The following BTBD9 variants were observed in gnomAD, a reference collection of about 807,000 sequenced individuals.
BTBD9 encodes the protein BTB/POZ domain-containing protein 9.
A neutral mutation model predicts 64.3 loss-of-function variants in BTBD9; 49 were observed. The observed-to-expected ratio is 0.76, with a 90% CI of 0.61 to 0.97. The LOEUF (loss-of-function observed/expected upper bound fraction) is 0.97. BTBD9 is among the 50% of genes least tolerant of loss of function. The probability of loss-of-function intolerance (pLI) is 0.00; values close to 1 mark genes in which losing one functional copy is unlikely to be tolerated. For synonymous variants in BTBD9, 260 were observed against 274.7 expected (o/e 0.95, Z 0.53); for missense variants, 598 against 762.1 (o/e 0.78, Z 2.53).
intron 6 of BTBD9, among the ~76,000 whole-genome samples, chr6:38,374,295 ATG>A (rs66741403): frequency 0.036 from 2,917 of 80,212 alleles, 622 homozygotes; most frequent in East Asian, 0.27. Flanking sequence ...ATATATATAT[ATG>A]TATATATATG....
chr6:38,417,224 A>G (rs566123264), intron 6 of BTBD9, among the ~76,000 whole-genome samples: 18 of 152,308 alleles, frequency 1.2e-4, no homozygotes, highest in African/African-American at 3.6e-4. Context: ...GATTATAGGC[A>G]TGAGCTACCC....
chr6:38,343,060 T>G (rs1247496821), intron 7 of BTBD9, among the ~76,000 whole-genome samples: 1 of 152,176 alleles, frequency 6.6e-6, no homozygotes, highest in Non-Finnish European at 1.5e-5. Flanking sequence ...TGCTCCCACT[T>G]GGCTGAGGGA....
chr6:38,177,356 G>A (rs957923980), intron 10 of BTBD9, among the ~76,000 whole-genome samples: 7 of 152,136 alleles, frequency 4.6e-5, no homozygotes, highest in South Asian at 2.1e-4. Flanking sequence ...CACCGGCCCC[G>A]CAAGCCTTCA....
chr6:38,510,117 A>G (rs1284682430), intron 6 of BTBD9, among the ~76,000 whole-genome samples: 1 of 152,222 alleles, frequency 6.6e-6, no homozygotes, highest in Non-Finnish European at 1.5e-5. Flanking sequence ...CAGTTTTCAC[A>G]TACTGTCATG....
chr6:38,295,945 G>A (rs1762142663), intron 7 of BTBD9, among the ~76,000 whole-genome samples: 1 of 152,160 alleles, frequency 6.6e-6, no homozygotes, highest in African/African-American at 2.4e-5. Flanking sequence ...GCTATTGGGA[G>A]GCTGAGGCAG....
chr6:38,559,807 G>A (rs1775193471), intron 6 of BTBD9, among the ~76,000 whole-genome samples: 1 of 152,092 alleles, frequency 6.6e-6, no homozygotes, highest in Non-Finnish European at 1.5e-5. Flanking sequence ...CAACAAAGTT[G>A]ACAAAAACAA....
chr6:38,267,584 G>A (rs571873074), intron 8 of BTBD9, among the ~76,000 whole-genome samples: 5 of 152,176 alleles, frequency 3.3e-5, no homozygotes, highest in Non-Finnish European at 7.3e-5. Flanking sequence ...ACCACGCATG[G>A]CTAATGACCT....
Position 38,545,861 on chromosome 6 carries a change from C to T in BTBD9, c.1154+31739G>A, listed in dbSNP as rs1243063019. Among the ~76,000 whole-genome samples, 503 of 64,804 alleles carry T rather than the reference C, an allele frequency of 7.8e-3. 5 individuals are homozygous for T. The highest frequency in any genetic ancestry group is 0.022 in the African/African-American group (477 of 21,450). The allele number at this position is 64,804 out of a possible 152,430, so 42.5% of individuals were successfully genotyped here. On this transcript the variant is annotated intron_variant, in intron 6 of 10. Coordinates refer to ENST00000481247, the MANE Select transcript of BTBD9 (RefSeq NM_001099272.2). ...AAACACACACACACACACATACACA[C>T]ACACACACACACACACACACACACA...
chr6:38,192,551 G>A lies in BTBD9; in HGVS notation c.1609C>T (p.Arg537Cys), dbSNP rs763503283. 10 of 1,613,832 alleles carry A rather than the reference G, an allele frequency of 6.2e-6. 1 individual carries two copies. The highest frequency in any genetic ancestry group is 3.3e-5 in the South Asian group (3 of 91,056). ...GCTGTGTTGTGTGTCCCAACGATACGGATGAAGGAGGCAGGCTGCCTTTCA... is the reference window on the plus strand; with the variant it reads ...GCTGTGTTGTGTGTCCCAACGATACAGATGAAGGAGGCAGGCTGCCTTTCA... ...TFERQPASFI[R>C]IVGTHNTANE... The change falls in exon 10 of 11, where the codon CGT (arginine) becomes TGT (cysteine). Residue 537 changes from arginine to cysteine, a missense_variant. Transcript: ENST00000481247.
intron 6 of BTBD9, among the ~76,000 whole-genome samples, chr6:38,445,594 T>C (rs1484595056): frequency 6.6e-6 from 1 of 152,212 alleles, no homozygotes; most frequent in African/African-American, 2.4e-5. Context: ...ATTCTATCTG[T>C]TTATGAAACA....
intron 6 of BTBD9, among the ~76,000 whole-genome samples, chr6:38,564,051 G>A (rs1322239212): frequency 6.6e-6 from 1 of 152,042 alleles, no homozygotes; most frequent in Non-Finnish European, 1.5e-5. Context: ...CAAAGTGCTG[G>A]GATTACAGGC....
intron 6 of BTBD9, among the ~76,000 whole-genome samples, chr6:38,429,106 A>G (rs1768319733): frequency 6.6e-6 from 1 of 151,790 alleles, no homozygotes. Context: ...GAGAGAGCCA[A>G]GAGCAAAATC....
At position 38,512,282 on chromosome 6, in the gene BTBD9, T is replaced by G. The variant is rs540195671; in HGVS notation, c.1154+65318A>C. Among the ~76,000 whole-genome samples the G allele has an allele frequency of 2.0e-5, 3 of 152,296 alleles. No homozygotes were observed. In the East Asian group the frequency reaches 5.8e-4, roughly 29 times the overall value. On this transcript the variant is annotated intron_variant, in intron 6 of 10. Transcript: ENST00000481247. ...ACCACCATGCCCGGCCACTACTATG[T>G]TTTAAAAAAGGAAAGGGATACTACA...
intron 8 of BTBD9, among the ~76,000 whole-genome samples, chr6:38,276,427 G>A (rs942663075): frequency 2.0e-5 from 3 of 151,772 alleles, no homozygotes; most frequent in African/African-American, 7.3e-5. Flanking sequence ...GCAGTACACC[G>A]ACATGGCACA....
At chr6:38,266,636 AAGAAAG>A (rs1765002424) in intron 8 of BTBD9, among the ~76,000 whole-genome samples, 1 of 116,738 alleles carries the variant, frequency 8.6e-6, no homozygotes, top group African/African-American at 4.1e-5. Context: ...GAAAGAAAGA[AAGAAAG>A]AAAGAAAGAA....
intron 8 of BTBD9, among the ~76,000 whole-genome samples, chr6:38,274,508 C>T (rs1170524727): frequency 5.9e-5 from 9 of 152,246 alleles, no homozygotes; most frequent in Admixed American, 2.0e-4. Context: ...ATGATATTGG[C>T]TGTGGGTTTG....
In BTBD9 at chr6:38,580,198, A is replaced by C; in HGVS notation, c.1034+20T>G. The stretch of plus-strand genomic sequence containing the variant: ...CATCTCAAACATAATGTCAGTTTCT[A>C]AGTCATGCTAATCACTTACCGGCTA... On this transcript the variant is annotated intron_variant, in intron 5 of 10. Coordinates refer to ENST00000481247, the MANE Select transcript of BTBD9 (RefSeq NM_001099272.2). 6.2e-7 allele frequency: 1 copy of C among 1,605,358 alleles called. No individual in the cohort carries two copies. Among genetic ancestry groups the C allele is most frequent in the Non-Finnish European group, 8.5e-7 (1 of 1,172,496 alleles).
intron 9 of BTBD9, among the ~76,000 whole-genome samples, chr6:38,200,800 A>G (rs1036325420): frequency 1.8e-4 from 27 of 152,194 alleles, no homozygotes; most frequent in African/African-American, 5.8e-4. Context: ...AAAGCTCAGG[A>G]CCTGATGGAT....
At chr6:38,500,800 CTCA>C (rs1772161272) in intron 6 of BTBD9, among the ~76,000 whole-genome samples, 4 of 152,300 alleles carry the variant, frequency 2.6e-5, no homozygotes, top group African/African-American at 9.6e-5. Context: ...AAATCCATCA[CTCA>C]ATGTCTTTAA....
Sources: allele counts gnomAD v4.1 joint callset (sites outside exome capture counted in the v4.1 genomes callset), GRCh38; gene constraint gnomAD v4.1.1; transcripts MANE v1.5; gene names NCBI Gene and HGNC (gene_info 2026-07-23, HGNC 2026-07-21).